Variants in FAM185A observed in about 807,000 individuals in gnomAD.
FAM185A encodes family with sequence similarity 185 member A, also known as protein FAM185A.
Under a neutral mutation model 45.7 loss-of-function variants are expected in FAM185A, and 21 were observed. The ratio of observed to expected loss-of-function variants is 0.46; its 90% confidence interval spans 0.33 to 0.66. The LOEUF is 0.66. FAM185A is among the 30% of genes least tolerant of loss of function. The pLI is 0.03. For missense variants in FAM185A, 305 were observed against 485.4 expected, an observed-to-expected ratio of 0.63 and a Z score of 3.49; for synonymous variants, 117 against 194.0, an observed-to-expected ratio of 0.60 and a Z score of 3.30.
At chr7:102,822,901 A>G in the FAM185A span, among the ~76,000 whole-genome samples, 1 of 152,098 alleles carries the variant, frequency 6.6e-6, no homozygotes, top group African/African-American at 2.4e-5. Flanking sequence ...GAAACTCCCA[A>G]AAATACAAAA....
intron 5 of FAM185A, among the ~76,000 whole-genome samples, chr7:102,774,407 C>T (rs1378076308): frequency 5.9e-5 from 9 of 151,878 alleles, no homozygotes; most frequent in Non-Finnish European, 8.8e-5. Context: ...TCCCTCCTAT[C>T]TTTATTACTT....
the FAM185A span, among the ~76,000 whole-genome samples, chr7:102,835,602 TG>T: frequency 4.6e-5 from 5 of 109,566 alleles, no homozygotes; most frequent in Non-Finnish European, 9.3e-5. Flanking sequence ...AAGGTGACAT[TG>T]TTTTTTTTTT....
downstream of FAM185A, among the ~76,000 whole-genome samples, chr7:102,812,260 C>G (rs772135482): frequency 6.6e-6 from 1 of 152,272 alleles, no homozygotes; most frequent in South Asian, 2.1e-4. Context: ...CTAAAACCTA[C>G]GGATTAAAGC....
intron 7 of FAM185A, among the ~76,000 whole-genome samples, chr7:102,791,715 A>G (rs531658127): frequency 3.1e-4 from 47 of 152,114 alleles, no homozygotes; most frequent in Middle Eastern, 6.8e-3. Context: ...TAAATCCATT[A>G]AAGTAATAAT....
At position 102,788,175 on chromosome 7, in the gene FAM185A, GC is replaced by G. The variant is rs1360561021; in HGVS notation, c.1066+708del. On this transcript the variant is annotated intron_variant, in intron 7 of 7. Transcript: ENST00000413034. ...ATAGAGACAGGGTTTTACCATGTTG[GC>G]CAGGCTGCTCTCAAATTCCTGACCT... 3.9e-5 allele frequency among the ~76,000 whole-genome samples: 6 copies of G among 152,066 alleles called. 1 individual carries two copies. The highest frequency in any genetic ancestry group is 2.0e-4 in the Admixed American group (3 of 15,260).
At chr7:102,758,424 C>T (rs1193251713) in intron 3 of FAM185A, among the ~76,000 whole-genome samples, 2 of 110,760 alleles carry the variant, frequency 1.8e-5, no homozygotes, top group Non-Finnish European at 3.5e-5. Context: ...ACTGCTCTCA[C>T]AGCTTTTTTT....
intron 6 of FAM185A, among the ~76,000 whole-genome samples, chr7:102,782,618 A>C (rs1160417520): frequency 2.0e-5 from 3 of 152,312 alleles, no homozygotes; most frequent in African/African-American, 7.2e-5. Context: ...TTTGTCACCA[A>C]CAGGCCGCCC....
the FAM185A span, among the ~76,000 whole-genome samples, chr7:102,816,019 A>G: frequency 1.3e-5 from 2 of 152,208 alleles, no homozygotes; most frequent in Non-Finnish European, 2.9e-5. Flanking sequence ...AATGAGCTGC[A>G]TGTTGAACCC....
chr7:102,754,818 T>C (rs1438373115), intron 2 of FAM185A, among the ~76,000 whole-genome samples: 2 of 152,286 alleles, frequency 1.3e-5, no homozygotes, highest in East Asian at 3.8e-4. Context: ...CCTTAACTAA[T>C]TGAATGTCAC....
At chr7:102,816,724 A>T in the FAM185A span, among the ~76,000 whole-genome samples, 5 of 152,236 alleles carry the variant, frequency 3.3e-5, no homozygotes, top group Admixed American at 1.3e-4. Context: ...CAAATAGTGA[A>T]CATAATGCCC....
At chr7:102,830,715 G>A in the FAM185A span, among the ~76,000 whole-genome samples, 6 of 152,278 alleles carry the variant, frequency 3.9e-5, no homozygotes, top group South Asian at 2.1e-4. Context: ...TAAATAAAGC[G>A]TAGGGCATCT....
intron 7 of FAM185A, among the ~76,000 whole-genome samples, chr7:102,795,203 T>C (rs1796375835): frequency 6.6e-6 from 1 of 152,222 alleles, no homozygotes; most frequent in Non-Finnish European, 1.5e-5. Flanking sequence ...TATAGTCCAG[T>C]TAATTTGCCA....
At chr7:102,824,213 C>G in the FAM185A span, among the ~76,000 whole-genome samples, 6,303 of 152,270 alleles carry the variant, frequency 0.041, 328 homozygotes, top group East Asian at 0.16. Flanking sequence ...TAAGGTCCTG[C>G]TCCCAGCCTC....
intron 7 of FAM185A, among the ~76,000 whole-genome samples, chr7:102,798,832 C>G (rs974655092): frequency 1.3e-5 from 2 of 152,010 alleles, no homozygotes; most frequent in Non-Finnish European, 2.9e-5. Flanking sequence ...ACTGCAACCT[C>G]TGCCTCCTAG....
intron 7 of FAM185A, among the ~76,000 whole-genome samples, chr7:102,797,002 T>C (rs558015731): frequency 6.6e-6 from 1 of 152,372 alleles, no homozygotes; most frequent in East Asian, 1.9e-4. Flanking sequence ...TTCCTCAGTA[T>C]ACTCTTGCCT....
chr7:102,752,626 G>A (rs1309884274), intron 2 of FAM185A, among the ~76,000 whole-genome samples: 1 of 147,806 alleles, frequency 6.8e-6, no homozygotes, highest in East Asian at 2.0e-4. Context: ...GTGTCTCACT[G>A]TATTGCCCAG....
At chr7:102,848,101 T>C in the FAM185A span, among the ~76,000 whole-genome samples, 1 of 152,142 alleles carries the variant, frequency 6.6e-6, no homozygotes, top group African/African-American at 2.4e-5. Flanking sequence ...TGCCAGTCCT[T>C]CTGGTGCATC....
At chr7:102,802,847 C>T (rs537572653) in intron 7 of FAM185A, among the ~76,000 whole-genome samples, 1 of 152,064 alleles carries the variant, frequency 6.6e-6, no homozygotes, top group South Asian at 2.1e-4. Context: ...CAAATAGCCT[C>T]AATAAGAAAC....
At position 102,772,785 on chromosome 7, in the gene FAM185A, C is replaced by T. The variant is rs1379890203; in HGVS notation, c.835+335C>T. On this transcript the variant is annotated intron_variant, in intron 5 of 7. Transcript: ENST00000413034. The stretch of plus-strand genomic sequence containing the variant: ...ATAAATAATGTCACTGTTTATTGGG[C>T]TCCAAATGTGTTAACATTTGAAGAC... Among the ~76,000 whole-genome samples, 6 of 150,972 alleles carry T rather than the reference C, an allele frequency of 4.0e-5. No homozygotes were observed. In the East Asian group the frequency reaches 1.2e-3, roughly 29 times the overall value.
Sources: allele counts gnomAD v4.1 joint callset (sites outside exome capture counted in the v4.1 genomes callset), GRCh38; gene constraint gnomAD v4.1.1; transcripts MANE v1.5; gene names NCBI Gene and HGNC (gene_info 2026-07-23, HGNC 2026-07-21).